The following FBXL17 variants were observed in gnomAD, a reference collection of about 807,000 sequenced individuals.
FBXL17 encodes F-box and leucine rich repeat protein 17.
A neutral mutation model predicts 66.2 loss-of-function variants in FBXL17; 22 were observed. That is an observed-to-expected ratio of 0.33 (90% CI 0.24 to 0.47). The LOEUF (loss-of-function observed/expected upper bound fraction) is 0.47. Among genes scored for constraint, FBXL17 ranks in the 20% least tolerant of loss-of-function variants. The pLI, the probability that FBXL17 is intolerant of heterozygous loss-of-function variation, is 1.00. For synonymous variants in FBXL17, 474 were observed against 400.5 expected (o/e 1.18, Z -2.19); for missense variants, 878 against 948.2 (o/e 0.93, Z 0.97).
chr5:108,011,226 A>T (rs1318873110), intron 7 of FBXL17, among the ~76,000 whole-genome samples: 1 of 152,232 alleles, frequency 6.6e-6, no homozygotes, highest in Non-Finnish European at 1.5e-5. Flanking sequence ...AGCGAAGTAG[A>T]TCTAGTCCAA....
intron 6 of FBXL17, among the ~76,000 whole-genome samples, chr5:108,025,202 A>G (rs895329197): frequency 6.6e-6 from 1 of 152,142 alleles, no homozygotes; most frequent in Non-Finnish European, 1.5e-5. Flanking sequence ...TAAAGAAGCT[A>G]ATTGGAGCTG....
chr5:108,036,023 G>A lies in FBXL17; in HGVS notation c.1746-15022C>T, dbSNP rs1361968845. Among the ~76,000 whole-genome samples, 4 of 152,254 alleles carry A rather than the reference G, an allele frequency of 2.6e-5. No homozygotes were observed. In the East Asian group the frequency reaches 7.7e-4, roughly 29 times the overall value. On this transcript the variant is annotated intron_variant, in intron 6 of 8. Transcript: ENST00000542267. ...GCTCTCGTCATGCTGATACACTAAG[G>A]CTGTGCCTGGTATACCTAACAATAA...
At chr5:108,343,652 C>T (rs1195892509) in intron 4 of FBXL17, among the ~76,000 whole-genome samples, 1 of 152,108 alleles carries the variant, frequency 6.6e-6, no homozygotes, top group Non-Finnish European at 1.5e-5. Flanking sequence ...GAATTAACTA[C>T]TGCTATTTAA....
chr5:107,972,888 T>C (rs766893802), intron 7 of FBXL17, among the ~76,000 whole-genome samples: 1 of 152,204 alleles, frequency 6.6e-6, no homozygotes, highest in Non-Finnish European at 1.5e-5. Flanking sequence ...ATATAACAAA[T>C]AATTATTTCC....
intron 4 of FBXL17, among the ~76,000 whole-genome samples, chr5:108,296,728 AAGT>A (rs1309712821): frequency 6.6e-6 from 1 of 151,768 alleles, no homozygotes; most frequent in Non-Finnish European, 1.5e-5. Flanking sequence ...CTGAGAAAAT[AAGT>A]AGCTTTATTA....
intron 5 of FBXL17, among the ~76,000 whole-genome samples, chr5:108,209,021 C>T (rs563857911): frequency 6.6e-6 from 1 of 152,160 alleles, no homozygotes; most frequent in South Asian, 2.1e-4. Context: ...TGAAGAGGTC[C>T]TTCATATCCC....
At chr5:107,930,598 G>A (rs780752166) in intron 7 of FBXL17, among the ~76,000 whole-genome samples, 5 of 152,194 alleles carry the variant, frequency 3.3e-5, no homozygotes, top group East Asian at 1.9e-4. Context: ...CTCATTTTAC[G>A]TGGCAGCCCC....
intron 7 of FBXL17, among the ~76,000 whole-genome samples, chr5:107,950,133 G>C (rs987401677): frequency 6.6e-6 from 1 of 152,122 alleles, no homozygotes; most frequent in African/African-American, 2.4e-5. Flanking sequence ...GGAGAGGGTT[G>C]TTGAAGAAGG....
At chr5:108,091,868 C>G (rs949966499) in intron 6 of FBXL17, among the ~76,000 whole-genome samples, 2 of 152,142 alleles carry the variant, frequency 1.3e-5, no homozygotes, top group Admixed American at 1.3e-4. Context: ...ATGCTGTAAT[C>G]TTTACATTAT....
intron 6 of FBXL17, among the ~76,000 whole-genome samples, chr5:108,112,489 C>T (rs1317592391): frequency 6.6e-6 from 1 of 152,024 alleles, no homozygotes; most frequent in Non-Finnish European, 1.5e-5. Context: ...AGAACAAGGC[C>T]CAGAAATATT....
chr5:108,042,405 C>T (rs1340669082), intron 6 of FBXL17, among the ~76,000 whole-genome samples: 1 of 152,158 alleles, frequency 6.6e-6, no homozygotes, highest in East Asian at 1.9e-4. Context: ...CTATATCCCA[C>T]CCATTTTCCT....
intron 6 of FBXL17, among the ~76,000 whole-genome samples, chr5:108,037,186 A>C (rs998801492): frequency 3.9e-5 from 6 of 152,192 alleles, no homozygotes; most frequent in African/African-American, 1.4e-4. Flanking sequence ...TACAGTAAGC[A>C]AAAAAACAAC....
At chr5:108,121,460 T>G (rs767128112) in intron 6 of FBXL17, among the ~76,000 whole-genome samples, 5 of 152,244 alleles carry the variant, frequency 3.3e-5, no homozygotes, top group Non-Finnish European at 5.9e-5. Flanking sequence ...AGGAAAATCT[T>G]TCTAAGTTAT....
chr5:108,156,749 T>C (rs1353200474), intron 6 of FBXL17, among the ~76,000 whole-genome samples: 1 of 151,970 alleles, frequency 6.6e-6, no homozygotes, highest in Non-Finnish European at 1.5e-5. Flanking sequence ...AATATATTTT[T>C]AGTTTTATAT....
At chr5:108,107,512 T>A (rs1032570527) in intron 6 of FBXL17, among the ~76,000 whole-genome samples, 1 of 152,048 alleles carries the variant, frequency 6.6e-6, no homozygotes, top group Non-Finnish European at 1.5e-5. Flanking sequence ...CTTTGTTAGA[T>A]TCCTTTAAGA....
At chr5:108,029,735 T>G (rs1029054018) in intron 6 of FBXL17, among the ~76,000 whole-genome samples, 1 of 152,066 alleles carries the variant, frequency 6.6e-6, no homozygotes, top group Non-Finnish European at 1.5e-5. Flanking sequence ...ATGTAGTTTA[T>G]TTTTTTAATC....
chr5:107,962,163 G>A (rs1177920512), intron 7 of FBXL17, among the ~76,000 whole-genome samples: 3 of 152,100 alleles, frequency 2.0e-5, no homozygotes, highest in Non-Finnish European at 4.4e-5. Flanking sequence ...GGTGATGGTT[G>A]TACAACACTG....
At chr5:108,073,849 T>TCCTGTGG (rs1748439084) in intron 6 of FBXL17, among the ~76,000 whole-genome samples, 1 of 152,170 alleles carries the variant, frequency 6.6e-6, no homozygotes, top group African/African-American at 2.4e-5. Context: ...ATTGCAAGCT[T>TCCTGTGG]CCTGTGGCCT....
rs114633882 is a variant in FBXL17, at chr5:108,027,321, A to G, written c.1746-6320T>C. ...GGGCAGGTACAGAAATTGAAGTAAC[A>G]AACTTGCAATAAACTTGGCTCTGGC... On this transcript the variant is annotated intron_variant, in intron 6 of 8. Coordinates refer to ENST00000542267, the MANE Select transcript of FBXL17 (RefSeq NM_001163315.3). Among the ~76,000 whole-genome samples the G allele has an allele frequency of 8.1e-3, 1,228 of 152,280 alleles. 8 individuals carry two copies. The highest frequency in any genetic ancestry group is 0.019 in the South Asian group (90 of 4,828).
Sources: allele counts gnomAD v4.1 joint callset (sites outside exome capture counted in the v4.1 genomes callset), GRCh38; gene constraint gnomAD v4.1.1; transcripts MANE v1.5; gene names NCBI Gene and HGNC (gene_info 2026-07-23, HGNC 2026-07-21).